PKIG: variants seen among roughly 807,000 people sequenced by gnomAD.
PKIG encodes the protein cAMP-dependent protein kinase inhibitor gamma.
PKIG carries 1 observed loss-of-function variant against 6.8 expected under a neutral mutation model. The observed-to-expected ratio is 0.15, with a 90% CI of 0.05 to 0.69. The LOEUF is 0.69. Ranked by LOEUF, PKIG falls within the 30% of genes least tolerant of loss-of-function variation. PKIG has a pLI of 0.82. For missense variants in PKIG, 77 were observed against 104.0 expected, an observed-to-expected ratio of 0.74 and a Z score of 1.13; for synonymous variants, 39 against 43.0, an observed-to-expected ratio of 0.91 and a Z score of 0.36.
At chr20:44,535,083 A>G (rs1277205910) in intron 1 of PKIG, among the ~76,000 whole-genome samples, 2 of 152,230 alleles carry the variant, frequency 1.3e-5, no homozygotes, top group African/African-American at 4.8e-5. Context: ...ATGCAAACAA[A>G]AATAGAAAAT....
At chr20:44,616,720 C>T (rs2065268115) in intron 3 of PKIG, among the ~76,000 whole-genome samples, 1 of 152,220 alleles carries the variant, frequency 6.6e-6, no homozygotes, top group South Asian at 2.1e-4. Context: ...GAGTGACTGG[C>T]CAAGGAGCCT....
chr20:44,571,042 T>C (rs2064849722), intron 1 of PKIG, among the ~76,000 whole-genome samples: 1 of 152,128 alleles, frequency 6.6e-6, no homozygotes, highest in Non-Finnish European at 1.5e-5. Flanking sequence ...GAGACCAGCC[T>C]GGCCAACATG....
At position 44,548,282 on chromosome 20, in the gene PKIG, G is replaced by A. The variant is rs181687110; in HGVS notation, c.-241+16304G>A. On this transcript the variant is annotated intron_variant, in intron 1 of 4. Transcript: ENST00000372887. ...AATTAACATTAATCACAATTTTCCA[G>A]AGTGGTTTTCTAGTCTGGAGGGAGG... Among the ~76,000 whole-genome samples the A allele has an allele frequency of 4.6e-5, 7 of 152,276 alleles. No individual in the cohort carries two copies. The East Asian group carries it at 1.4e-3, about 29-fold the overall frequency.
intron 1 of PKIG, among the ~76,000 whole-genome samples, chr20:44,573,142 T>C (rs2064867824): frequency 6.6e-6 from 1 of 152,272 alleles, no homozygotes; most frequent in African/African-American, 2.4e-5. Context: ...GCAACTCATC[T>C]GCTCTGTGCC....
At chr20:44,580,567 C>T (rs956570306), upstream of PKIG, among the ~76,000 whole-genome samples, 3 of 151,986 alleles carry the variant, frequency 2.0e-5, no homozygotes, top group African/African-American at 7.2e-5. Flanking sequence ...AAGCTGGTCT[C>T]AAACTCCTGA....
chr20:44,613,304 T>C (rs2065235520), intron 2 of PKIG, among the ~76,000 whole-genome samples: 2 of 152,234 alleles, frequency 1.3e-5, no homozygotes, highest in South Asian at 4.1e-4. Flanking sequence ...TAGCTGGAAC[T>C]ACAGGCGCCC....
At chr20:44,574,898 T>A (rs1452925919) in intron 1 of PKIG, among the ~76,000 whole-genome samples, 1 of 152,202 alleles carries the variant, frequency 6.6e-6, no homozygotes, top group Non-Finnish European at 1.5e-5. Flanking sequence ...GAATAAGGAC[T>A]CCTTTTAAAA....
At chr20:44,615,951 A>C (rs2065260597) in intron 3 of PKIG, among the ~76,000 whole-genome samples, 1 of 152,022 alleles carries the variant, frequency 6.6e-6, no homozygotes, top group African/African-American at 2.4e-5. Context: ...ACCCCACCCC[A>C]AAAGCCTTCC....
At chr20:44,607,065 G>A (rs1310159377) in intron 2 of PKIG, among the ~76,000 whole-genome samples, 1 of 152,182 alleles carries the variant, frequency 6.6e-6, no homozygotes, top group African/African-American at 2.4e-5. Flanking sequence ...TAACTTCTGT[G>A]GGGAGAAGTT....
chr20:44,607,331 GTT>G (rs1468147661), intron 2 of PKIG, among the ~76,000 whole-genome samples: 3 of 145,114 alleles, frequency 2.1e-5, no homozygotes, highest in Non-Finnish European at 4.5e-5. Context: ...GTGTGTGTGT[GTT>G]TGTGTGTGTA....
At chr20:44,556,431 C>G (rs780237741) in intron 1 of PKIG, among the ~76,000 whole-genome samples, 1 of 152,244 alleles carries the variant, frequency 6.6e-6, no homozygotes, top group African/African-American at 2.4e-5. Context: ...GGCGCGATCT[C>G]GGCTCACTGC....
chr20:44,542,741 C>T (rs536451663), intron 1 of PKIG, among the ~76,000 whole-genome samples: 50 of 152,176 alleles, frequency 3.3e-4, no homozygotes, highest in African/African-American at 1.1e-3. Flanking sequence ...TACAGGCATG[C>T]GCCACAATAC....
chr20:44,535,043 G>C (rs1184611471), intron 1 of PKIG, among the ~76,000 whole-genome samples: 1 of 152,094 alleles, frequency 6.6e-6, no homozygotes, highest in African/African-American at 2.4e-5. Context: ...GTGAACAGCA[G>C]TTATAAGATA....
At chr20:44,549,702 G>A (rs1364808901) in intron 1 of PKIG, among the ~76,000 whole-genome samples, 1 of 152,134 alleles carries the variant, frequency 6.6e-6, no homozygotes, top group Non-Finnish European at 1.5e-5. Context: ...TCACATGCTT[G>A]TAGTCTCAGC....
At chr20:44,546,781 G>C (rs1472846316) in intron 1 of PKIG, among the ~76,000 whole-genome samples, 1 of 4,846 alleles carries the variant, frequency 2.1e-4, no homozygotes, top group Non-Finnish European at 3.5e-4. Context: ...TCGAGCTCCT[G>C]ACCTCAGGTA....
chr20:44,591,729 T>C (rs925187843), intron 2 of PKIG, among the ~76,000 whole-genome samples: 1 of 152,208 alleles, frequency 6.6e-6, no homozygotes. Context: ...TAAGTATTAC[T>C]CTTCTTTTCT....
chr20:44,560,416 G>A (rs1013599081), intron 1 of PKIG, among the ~76,000 whole-genome samples: 1 of 152,158 alleles, frequency 6.6e-6, no homozygotes. Flanking sequence ...AAGCCACAAA[G>A]TGTCACACCA....
intron 1 of PKIG, among the ~76,000 whole-genome samples, chr20:44,583,651 C>A (rs2064966396): frequency 6.6e-6 from 1 of 152,186 alleles, no homozygotes; most frequent in Admixed American, 6.5e-5. Flanking sequence ...AGAAGGGTCA[C>A]CCAAGGAAAC....
chr20:44,551,591 A>T (rs924795794), intron 1 of PKIG, among the ~76,000 whole-genome samples: 13 of 152,112 alleles, frequency 8.5e-5, no homozygotes, highest in African/African-American at 2.9e-4. Context: ...CTACCTACTA[A>T]ATGCCCATTT....
Sources: gnomAD v4.1 joint callset for allele counts (sites outside exome capture counted in the v4.1 genomes callset) on GRCh38, gnomAD v4.1.1 for gene constraint, MANE v1.5 for transcripts, NCBI Gene and HGNC (gene_info 2026-07-23, HGNC 2026-07-21) for gene names.